ESR1: variants seen among roughly 807,000 people sequenced by gnomAD.
ESR1 encodes estrogen receptor.
In ESR1, 12 loss-of-function variants were observed where a neutral mutation model predicts 52.7. The ratio of observed to expected loss-of-function variants is 0.23; its 90% CI spans 0.15 to 0.37. ESR1 has a LOEUF of 0.37. ESR1 is among the 10% of genes least tolerant of loss of function. ESR1 has a pLI of 1.00. For synonymous variants in ESR1, 305 were observed against 316.8 expected, an observed-to-expected ratio of 0.96 and a Z score of 0.39; for missense variants, 584 against 779.7, an observed-to-expected ratio of 0.75 and a Z score of 2.99.
At chr6:151,971,069 C>G (rs1237441062) in intron 4 of ESR1, among the ~76,000 whole-genome samples, 1 of 152,170 alleles carries the variant, frequency 6.6e-6, no homozygotes, top group Non-Finnish European at 1.5e-5. Context: ...AACATAGCAT[C>G]TTATACACCA....
intron 3 of ESR1, among the ~76,000 whole-genome samples, chr6:151,939,333 C>T (rs747107882): frequency 6.6e-6 from 1 of 152,126 alleles, no homozygotes; most frequent in Non-Finnish European, 1.5e-5. Flanking sequence ...AAAAGTTAGA[C>T]AGTTGGGGGG....
chr6:151,731,946 A>G (rs1159414649), intron 2 of ESR1, among the ~76,000 whole-genome samples: 1 of 152,182 alleles, frequency 6.6e-6, no homozygotes, highest in Non-Finnish European at 1.5e-5. Context: ...TGTGAAGTAG[A>G]AGACAAGAAA....
intron 1 of ESR1, among the ~76,000 whole-genome samples, chr6:151,677,756 C>G (rs1778301055): frequency 6.6e-6 from 1 of 152,082 alleles, no homozygotes; most frequent in Non-Finnish European, 1.5e-5. Context: ...TTCCTGTTTA[C>G]CCCTTTGCCC....
intron 1 of ESR1, among the ~76,000 whole-genome samples, chr6:151,827,420 A>G (rs1781695994): frequency 6.6e-6 from 1 of 151,940 alleles, no homozygotes; most frequent in South Asian, 2.1e-4. Flanking sequence ...CGTGGGGGAC[A>G]GAGTCCTCAG....
intron 2 of ESR1, among the ~76,000 whole-genome samples, chr6:151,764,350 G>C (rs1354621869): frequency 6.6e-6 from 1 of 152,114 alleles, no homozygotes; most frequent in Admixed American, 6.6e-5. Flanking sequence ...AGGGGAGATA[G>C]GATTTTTATG....
At chr6:152,050,446 A>G (rs9479182) in intron 5 of ESR1, among the ~76,000 whole-genome samples, 65 of 152,268 alleles carry the variant, frequency 4.3e-4, no homozygotes, top group African/African-American at 1.4e-3. Flanking sequence ...CTCTGGCCAT[A>G]TTTTAAAAAT....
intron 3 of ESR1, among the ~76,000 whole-genome samples, chr6:151,925,121 T>TG (rs2032453081): frequency 1.3e-5 from 2 of 149,148 alleles, no homozygotes; most frequent in Non-Finnish European, 3.0e-5. Flanking sequence ...CCCCAGCATC[T>TG]GGTTTTTTTT....
rs1245905181 is a variant in ESR1 at position 152,011,687 on chromosome 6, C to T, written c.1128C>T (p.Val376=). The T allele has an allele frequency of 6.2e-7, 1 of 1,613,208 alleles. No individual in the cohort carries two copies. The highest frequency in any genetic ancestry group is 2.2e-5 in the East Asian group (1 of 44,826). ...GFVDLTLHDQ[V]HLLECAWLEI... ...TGGATTTGACCCTCCATGATCAGGTCCACCTTCTAGAATGTGCCTGGCTAG... is the reference window on the plus strand; with the variant it reads ...TGGATTTGACCCTCCATGATCAGGTTCACCTTCTAGAATGTGCCTGGCTAG... Residue 376 remains valine (V), a synonymous_variant, in exon 5 of 8, where the codon GTC becomes GTT. Transcript: ENST00000206249.
intron 6 of ESR1, among the ~76,000 whole-genome samples, chr6:152,091,123 G>A (rs1052497875): frequency 2.6e-5 from 4 of 152,216 alleles, no homozygotes; most frequent in Admixed American, 1.3e-4. Context: ...CTGGGATATG[G>A]AAATTACCAG....
At chr6:152,122,984 C>T (rs2051900446) in intron 6 of ESR1, among the ~76,000 whole-genome samples, 1 of 152,240 alleles carries the variant, frequency 6.6e-6, no homozygotes, top group African/African-American at 2.4e-5. Context: ...CTGCTCTATA[C>T]ACATTCTACT....
rs566261566 is a variant in ESR1 at position 152,098,452 on chromosome 6, A to G, written c.1554-280A>G. On this transcript the variant is annotated intron_variant, in intron 7 of 7. Transcript: ENST00000206249. This position sits in a 1 kb window ranked among gnomAD's most constrained non-coding sequence, Gnocchi z 5.1. ...ACGGAGGTCCATGGAAGTCACCTGC[A>G]TAGCAAATACCCTGAAAGTGGCTGC... is the stretch of plus-strand genomic sequence containing the variant. Among the ~76,000 whole-genome samples the G allele has an allele frequency of 2.0e-5, 3 of 152,214 alleles. No homozygotes were observed. Among genetic ancestry groups the G allele is most frequent in the Non-Finnish European group, 4.4e-5 (3 of 68,016 alleles).
chr6:151,785,439 C>G (rs1447376260), intron 2 of ESR1, among the ~76,000 whole-genome samples: 1 of 152,146 alleles, frequency 6.6e-6, no homozygotes, highest in Non-Finnish European at 1.5e-5. Context: ...TAAGGGTATA[C>G]CTCTGTTATT....
At chr6:152,022,387 A>G (rs905960589) in intron 5 of ESR1, among the ~76,000 whole-genome samples, 1 of 152,216 alleles carries the variant, frequency 6.6e-6, no homozygotes, top group Non-Finnish European at 1.5e-5. Context: ...TTTAAAGTGC[A>G]GGGAAGATAT....
downstream of ESR1, among the ~76,000 whole-genome samples, chr6:152,107,663 T>C (rs2051082458): frequency 6.6e-6 from 1 of 152,366 alleles, no homozygotes; most frequent in East Asian, 1.9e-4. Flanking sequence ...TTTCTTTACA[T>C]ATGTCCTAAT....
At chr6:152,077,391 C>T (rs766545864) in intron 6 of ESR1, among the ~76,000 whole-genome samples, 3 of 152,194 alleles carry the variant, frequency 2.0e-5, no homozygotes, top group Admixed American at 6.5e-5. Flanking sequence ...TCATGGAGGG[C>T]CTCTGCTAGG....
intron 2 of ESR1, among the ~76,000 whole-genome samples, chr6:151,747,590 A>C (rs1783578629): frequency 6.6e-6 from 1 of 152,192 alleles, no homozygotes; most frequent in Non-Finnish European, 1.5e-5. Context: ...ATTTTGCATA[A>C]AAATATAAAA....
intron 6 of ESR1, among the ~76,000 whole-genome samples, chr6:152,113,432 T>A (rs1191690213): frequency 6.6e-6 from 1 of 151,306 alleles, no homozygotes; most frequent in Non-Finnish European, 1.5e-5. Flanking sequence ...TGGGAGGGAG[T>A]CTTTCCATTC....
chr6:151,683,856 G>A (rs765416585), intron 1 of ESR1, among the ~76,000 whole-genome samples: 5 of 145,516 alleles, frequency 3.4e-5, no homozygotes, highest in East Asian at 2.1e-4. Context: ...GTGCCACCAC[G>A]TCTGGCTATT....
intron 1 of ESR1, among the ~76,000 whole-genome samples, chr6:151,810,284 T>TAA (rs35187725): frequency 1.3e-5 from 2 of 149,890 alleles, no homozygotes; most frequent in Non-Finnish European, 3.0e-5. Context: ...ACTTAAAAAT[T>TAA]AAAAAAAAAA....
Sources: allele counts gnomAD v4.1 joint callset (sites outside exome capture counted in the v4.1 genomes callset), GRCh38; gene constraint gnomAD v4.1.1; non-coding constraint Gnocchi (gnomAD v3.1); transcripts MANE v1.5; gene names NCBI Gene and HGNC (gene_info 2026-07-23, HGNC 2026-07-21).